Variants in NID1 observed in about 807,000 individuals in gnomAD.
NID1 encodes nidogen 1, also known as nidogen-1.
A neutral mutation model predicts 130.6 loss-of-function variants in NID1; 76 were observed. That is an observed-to-expected ratio of 0.58 (90% CI 0.48 to 0.70). NID1 has a LOEUF of 0.70. NID1 is among the 30% of genes least tolerant of loss of function. The pLI is 0.00. For missense variants in NID1, 1,517 were observed against 1,664.8 expected (o/e 0.91, Z 1.54); for synonymous variants, 665 against 675.1 (o/e 0.98, Z 0.23).
intron 12 of NID1, among the ~76,000 whole-genome samples, chr1:236,001,324 C>T (rs1289176444): frequency 2.6e-5 from 4 of 152,070 alleles, no homozygotes; most frequent in Non-Finnish European, 4.4e-5. Flanking sequence ...CCAGGCTGGT[C>T]TCGAACTCCT....
intron 2 of NID1, among the ~76,000 whole-genome samples, chr1:236,047,861 T>C (rs190997045): frequency 1.3e-5 from 2 of 150,562 alleles, no homozygotes; most frequent in East Asian, 3.9e-4. Context: ...ACCCCATCTC[T>C]ACTAAAAATA....
chr1:235,995,899 C>T (rs1455062156), intron 12 of NID1, among the ~76,000 whole-genome samples: 1 of 152,218 alleles, frequency 6.6e-6, no homozygotes, highest in African/African-American at 2.4e-5. Context: ...GTGGCTCACA[C>T]CTGTAATTCC....
intron 6 of NID1, 24 bp downstream of exon 6, chr1:236,032,377 A>T (rs781435701): frequency 1.2e-6 from 2 of 1,610,354 alleles, no homozygotes; most frequent in Admixed American, 3.3e-5. Context: ...TGACCCACTA[A>T]TTTTAATGTC....
At chr1:236,029,771 G>C (rs769018355) in intron 6 of NID1, 21 bp from the exon 7 acceptor site, 4 of 1,613,386 alleles carry the variant, frequency 2.5e-6, no homozygotes, top group Non-Finnish European at 3.4e-6. Flanking sequence ...AGATGAGACT[G>C]TCACTTTGCT....
intron 10 of NID1, 134 bp from the exon 11 acceptor site, chr1:236,013,694 C>G: frequency 3.2e-6 from 3 of 935,686 alleles, no homozygotes; most frequent in African/African-American, 1.6e-5. Context: ...TTCACCTGCA[C>G]CCCACTCCTC....
In NID1 at chr1:235,993,648, G is replaced by A; in HGVS notation, c.2752C>T (p.Pro918Ser). Residue 918 changes from proline to serine, a missense_variant, in exon 13 of 20, where the codon CCG (proline) becomes TCG (serine). Physicochemically the swap from Pro to Ser is moderately conservative, Grantham distance 74 (BLOSUM62 -1). Transcript: ENST00000264187. ...AGCACGGCCTGCACCCACTTACACG[G>A]GGGCGTCATCCCGGGCCTGGTCCTG... ...GTRTRPGMTP[P>S]CLSTVAPPIH... The A allele has an allele frequency of 1.9e-6, 3 of 1,545,312 alleles. No homozygotes were observed. The highest frequency in any genetic ancestry group is 1.8e-6 in the Non-Finnish European group (2 of 1,138,448).
chr1:236,019,638 ACGC>A (rs1403619868), intron 9 of NID1, among the ~76,000 whole-genome samples: 1 of 152,090 alleles, frequency 6.6e-6, no homozygotes, highest in African/African-American at 2.4e-5. Flanking sequence ...TTACACATAC[ACGC>A]CAGACTAGAC....
At position 236,029,553 on chromosome 1, in the gene NID1, A is replaced by T. The variant is rs977920993; in HGVS notation, c.1735T>A (p.Ser579Thr). The T allele has an allele frequency of 1.2e-5, 18 of 1,557,122 alleles. No homozygotes were observed. The highest frequency in any genetic ancestry group is 1.6e-5 in the Non-Finnish European group (18 of 1,150,634). Reference sequence around the variant, plus strand: ...CTGGGACACAGCTGGGGCTCACCTGAGGTGGAGTAGTGGTACAGCTCCGTG... The same window carrying T: ...CTGGGACACAGCTGGGGCTCACCTGTGGTGGAGTAGTGGTACAGCTCCGTG... ...PYTELYHYST[S>T]VITSSSTREY... The change falls in exon 7 of 20, where the codon TCA (serine) becomes ACA (threonine). Residue 579 changes from serine to threonine, a missense_variant. Ser to Thr is a moderately conservative substitution (Grantham distance 58). Around this residue, in one of 3 missense-constraint regions of NID1, gnomAD observed 1,329 missense variants for 1,429.2 expected, o/e 0.93. Coordinates refer to ENST00000264187, the MANE Select transcript of NID1 (RefSeq NM_002508.3).
intron 1 of NID1, among the ~76,000 whole-genome samples, chr1:236,062,806 G>A (rs1024949620): frequency 6.6e-5 from 10 of 151,944 alleles, no homozygotes; most frequent in African/African-American, 2.2e-4. Context: ...AAGTTCAATC[G>A]TTACCTGAAC....
rs1657269920 is a variant in NID1, at chr1:235,976,856, G to C, written c.*1011C>G. On this transcript the variant is annotated 3_prime_UTR_variant, in exon 20 of 20. Coordinates refer to ENST00000264187, the MANE Select transcript of NID1 (RefSeq NM_002508.3). ...GTGAGGTCATGGTTGAGTGTAAATTGGTTCTGTCATGTGGAGGCCGGAGGT... is the reference window on the plus strand; with the variant it reads ...GTGAGGTCATGGTTGAGTGTAAATTCGTTCTGTCATGTGGAGGCCGGAGGT... 6.6e-6 allele frequency: 1 copy of C among 152,148 alleles called. No individual in the cohort carries two copies. Among genetic ancestry groups the C allele is most frequent in the East Asian group, 1.9e-4 (1 of 5,196 alleles). 9.4% of individuals were successfully genotyped at this position (152,148 alleles called of 1,614,324 possible). A position where few individuals can be genotyped will look rare whatever the true frequency, so the allele number is the denominator to read the frequency against.
chr1:236,046,612 A>T (rs944418824), intron 2 of NID1, among the ~76,000 whole-genome samples: 42 of 152,082 alleles, frequency 2.8e-4, no homozygotes, highest in African/African-American at 1.0e-3. Flanking sequence ...CGGATAAAAA[A>T]AAAAGAGCAA....
At chr1:235,996,361 C>T (rs1657920328) in intron 12 of NID1, among the ~76,000 whole-genome samples, 2 of 152,146 alleles carry the variant, frequency 1.3e-5, no homozygotes, top group Non-Finnish European at 2.9e-5. Context: ...GTCCACAAGG[C>T]ATGGAGAGCC....
chr1:235,998,789 G>A (rs1657999662), intron 12 of NID1, among the ~76,000 whole-genome samples: 1 of 152,158 alleles, frequency 6.6e-6, no homozygotes, highest in Non-Finnish European at 1.5e-5. Context: ...TCCATTCACA[G>A]ATATGTTTCA....
At chr1:235,980,464 C>G (rs755490348) in intron 17 of NID1, 32 bp downstream of exon 17, 3 of 1,606,990 alleles carry the variant, frequency 1.9e-6, no homozygotes, top group South Asian at 1.1e-5. Flanking sequence ...GAGATTGAGA[C>G]CCGCCCTGGA....
chr1:236,028,247 A>T (rs539175372), intron 7 of NID1, among the ~76,000 whole-genome samples: 1 of 152,360 alleles, frequency 6.6e-6, no homozygotes, highest in Admixed American at 6.5e-5. Context: ...TCACGATTTG[A>T]CATTAACTGA....
intron 12 of NID1, among the ~76,000 whole-genome samples, chr1:236,003,053 A>G (rs1179520991): frequency 1.3e-5 from 2 of 151,380 alleles, no homozygotes; most frequent in Admixed American, 6.6e-5. Context: ...GCTAGTTATC[A>G]CTGGTTATCA....
At chr1:236,015,782 C>A (rs545529173) in intron 10 of NID1, among the ~76,000 whole-genome samples, 5 of 152,088 alleles carry the variant, frequency 3.3e-5, no homozygotes, top group African/African-American at 9.6e-5. Flanking sequence ...AACCAATGAT[C>A]CGGTCTAATC....
chr1:236,013,485 C>A lies in NID1; in HGVS notation c.2330G>T (p.Cys777Phe). 6.2e-7 allele frequency: 1 copy of A among 1,613,112 alleles called. No individual in the cohort carries two copies. Among genetic ancestry groups the A allele is most frequent in the South Asian group, 1.1e-5 (1 of 91,028 alleles). Residue 777 changes from cysteine (C) to phenylalanine (F), a missense_variant, in exon 11 of 20, where the codon TGT becomes TTT. Around this residue, in one of 3 missense-constraint regions of NID1, gnomAD observed 1,329 missense variants for 1,429.2 expected, o/e 0.93. Coordinates refer to ENST00000264187, the MANE Select transcript of NID1 (RefSeq NM_002508.3). Reference sequence around the variant, plus strand: ...GTAGGAGGAGCCTCCTGTGTAGATACACTGGGCCCGCTGGGGTATGTCGCA... The same window carrying A: ...GTAGGAGGAGCCTCCTGTGTAGATAAACTGGGCCCGCTGGGGTATGTCGCA... ...HNCDIPQRAQ[C>F]IYTGGSSYTC...
intron 5 of NID1, among the ~76,000 whole-genome samples, chr1:236,032,910 G>C (rs891696051): frequency 6.6e-6 from 1 of 152,126 alleles, no homozygotes; most frequent in African/African-American, 2.4e-5. Flanking sequence ...CTGTCTCCAC[G>C]GACAGCCATT....
Sources: allele counts gnomAD v4.1 joint callset (sites outside exome capture counted in the v4.1 genomes callset), GRCh38; gene constraint gnomAD v4.1.1; regional missense constraint gnomAD v4.1.1; transcripts MANE v1.5; gene names NCBI Gene and HGNC (gene_info 2026-07-23, HGNC 2026-07-21).